CCDC171: variants seen among roughly 807,000 people sequenced by gnomAD.
CCDC171 encodes the protein coiled-coil domain containing 171, also known as coiled-coil domain-containing protein 171.
In CCDC171, 177 loss-of-function variants were observed where a neutral mutation model predicts 168.2. That is an observed-to-expected ratio of 1.05 (90% confidence interval 0.93 to 1.19). CCDC171 has a LOEUF of 1.19. Ranked by LOEUF, CCDC171 falls within the 50% of genes most tolerant of loss-of-function variation. The pLI is 0.00. For missense variants in CCDC171, 1,991 were observed against 1,539.0 expected (o/e 1.29, Z -4.91); for synonymous variants, 687 against 540.8 (o/e 1.27, Z -3.75).
chr9:15,942,289 G>A (rs750653833), intron 25 of CCDC171, among the ~76,000 whole-genome samples: 4 of 151,926 alleles, frequency 2.6e-5, no homozygotes, highest in African/African-American at 7.2e-5. Context: ...TCAAGTTAAA[G>A]TTCATAAGCC....
At position 15,914,280 on chromosome 9, in the gene CCDC171, A is replaced by G. The variant is rs1243230125; in HGVS notation, c.3601-5990A>G. ...TTCCCCCAGGTACTCTGTCCCAGGG[A>G]GATGGGAGTTTTATCTATAAGCCCC... On this transcript the variant is annotated intron_variant, in intron 24 of 25. Coordinates refer to ENST00000380701, the MANE Select transcript of CCDC171 (RefSeq NM_173550.4). Among the ~76,000 whole-genome samples, 3 of 151,964 alleles carry G rather than the reference A, an allele frequency of 2.0e-5. No individual in the cohort carries two copies. In the East Asian group the frequency reaches 5.8e-4, roughly 29 times the overall value.
intron 24 of CCDC171, among the ~76,000 whole-genome samples, chr9:15,907,852 A>G (rs1479443301): frequency 6.6e-6 from 1 of 152,262 alleles, no homozygotes; most frequent in East Asian, 1.9e-4. Context: ...AAGGATATGA[A>G]CAGACACTTC....
chr9:15,938,499 A>G (rs1363844166), intron 25 of CCDC171, among the ~76,000 whole-genome samples: 2 of 151,882 alleles, frequency 1.3e-5, no homozygotes, highest in South Asian at 2.1e-4. Context: ...CACTGGGTCT[A>G]TGGTTAAGGC....
chr9:15,561,948 G>T (rs1354488275), intron 1 of CCDC171, among the ~76,000 whole-genome samples: 1 of 152,018 alleles, frequency 6.6e-6, no homozygotes, highest in East Asian at 1.9e-4. Flanking sequence ...GCTGCCTGCA[G>T]TTCTTTGCCA....
At chr9:15,826,127 AAT>A (rs2060001151) in intron 21 of CCDC171, among the ~76,000 whole-genome samples, 1 of 151,948 alleles carries the variant, frequency 6.6e-6, no homozygotes. Flanking sequence ...TTATTGTAGT[AAT>A]ATTTTAATTT....
chr9:15,647,113 A>T (rs2047105246), intron 7 of CCDC171, among the ~76,000 whole-genome samples: 1 of 152,210 alleles, frequency 6.6e-6, no homozygotes, highest in Non-Finnish European at 1.5e-5. Context: ...AAAACCGCTC[A>T]ACTACATGGA....
intron 18 of CCDC171, among the ~76,000 whole-genome samples, chr9:15,770,980 T>C (rs2056982266): frequency 6.6e-6 from 1 of 152,172 alleles, no homozygotes; most frequent in African/African-American, 2.4e-5. Context: ...TAATTATTTT[T>C]ACTCCCACTC....
the CCDC171 span, among the ~76,000 whole-genome samples, chr9:16,087,036 G>A: frequency 3.9e-5 from 6 of 152,258 alleles, no homozygotes; most frequent in Admixed American, 1.3e-4. Flanking sequence ...GTAGTTGTGC[G>A]GTTTTGAGTG....
At chr9:15,793,762 T>C (rs764022833) in intron 21 of CCDC171, among the ~76,000 whole-genome samples, 16 of 151,886 alleles carry the variant, frequency 1.1e-4, no homozygotes, top group Admixed American at 3.9e-4. Flanking sequence ...TTGGCTAGGA[T>C]GGTCTCGATC....
chr9:15,727,888 A>G lies in CCDC171; in HGVS notation c.1712A>G (p.His571Arg). The change falls in exon 15 of 26, where the codon CAC (histidine) becomes CGC (arginine). Residue 571 changes from histidine (H) to arginine (R), a missense_variant. His to Arg is a conservative substitution (Grantham distance 29). Coordinates refer to ENST00000380701, the MANE Select transcript of CCDC171 (RefSeq NM_173550.4). ...KDAEEKLTFL[H>R]TLYQHLVAGC... is the part of the protein sequence containing the mutation. ...CTGCAGGAGAAGCTAACCTTCCTTC[A>G]CACCTTATATCAGCACTTGGTAGCA... 6.2e-7 allele frequency: 1 copy of G among 1,609,098 alleles called. No individual in the cohort carries two copies. The highest frequency in any genetic ancestry group is 8.5e-7 in the Non-Finnish European group (1 of 1,178,186).
chr9:15,663,338 A>G (rs941571371), intron 8 of CCDC171, among the ~76,000 whole-genome samples: 1 of 152,072 alleles, frequency 6.6e-6, no homozygotes, highest in Admixed American at 6.5e-5. Context: ...AAAAGAAACT[A>G]TTTTTCTTTT....
intron 3 of CCDC171, among the ~76,000 whole-genome samples, chr9:16,008,551 C>A (rs898982143): frequency 6.6e-6 from 1 of 152,108 alleles, no homozygotes; most frequent in Non-Finnish European, 1.5e-5. Context: ...AATGCTTAGG[C>A]GTCTCATGGA....
intron 11 of CCDC171, among the ~76,000 whole-genome samples, chr9:15,705,717 A>G (rs565342764): frequency 2.0e-5 from 3 of 152,228 alleles, no homozygotes; most frequent in East Asian, 1.9e-4. Flanking sequence ...AAACATTTCT[A>G]TCATAGTATA....
At chr9:16,090,239 C>T in the CCDC171 span, among the ~76,000 whole-genome samples, 4 of 152,092 alleles carry the variant, frequency 2.6e-5, no homozygotes, top group African/African-American at 9.7e-5. Flanking sequence ...ATGAAGCAGC[C>T]ATATAAAAGG....
intron 18 of CCDC171, among the ~76,000 whole-genome samples, chr9:15,750,538 C>T (rs2055651032): frequency 6.6e-6 from 1 of 152,120 alleles, no homozygotes; most frequent in Admixed American, 6.5e-5. Flanking sequence ...GGCTAATATC[C>T]CTGGTGAACA....
the CCDC171 span, among the ~76,000 whole-genome samples, chr9:16,107,932 A>G: frequency 6.6e-6 from 1 of 152,206 alleles, no homozygotes; most frequent in African/African-American, 2.4e-5. Context: ...TAATTTATAC[A>G]TAATGTAACT....
the CCDC171 span, among the ~76,000 whole-genome samples, chr9:16,098,355 C>T: frequency 1.8e-4 from 27 of 152,106 alleles, no homozygotes; most frequent in Non-Finnish European, 2.6e-4. Context: ...TCATTGTTGT[C>T]GTCGTCGTCA....
chr9:15,784,132 G>A (rs949003484), intron 20 of CCDC171, among the ~76,000 whole-genome samples: 10 of 152,088 alleles, frequency 6.6e-5, no homozygotes, highest in African/African-American at 1.9e-4. Context: ...AATAACATAC[G>A]CTGAACACAA....
At chr9:16,054,109 G>A (rs759488687) in intron 1 of CCDC171, among the ~76,000 whole-genome samples, 7 of 152,106 alleles carry the variant, frequency 4.6e-5, no homozygotes, top group Non-Finnish European at 1.0e-4. Flanking sequence ...ATGAGGCCAC[G>A]TATTTGAGTG....
Sources: allele counts gnomAD v4.1 joint callset (sites outside exome capture counted in the v4.1 genomes callset), GRCh38; gene constraint gnomAD v4.1.1; transcripts MANE v1.5; gene names NCBI Gene and HGNC (gene_info 2026-07-23, HGNC 2026-07-21).